The following SPRED1 variants were observed in gnomAD, a reference collection of about 807,000 sequenced individuals.
SPRED1 encodes sprouty related EVH1 domain containing 1, also known as sprouty-related, EVH1 domain-containing protein 1.
SPRED1 carries 18 observed loss-of-function variants against 52.3 expected under a neutral mutation model. The ratio of observed to expected loss-of-function variants is 0.34; its 90% CI spans 0.24 to 0.51. The LOEUF is 0.51. Ranked by LOEUF, SPRED1 falls within the 20% of genes least tolerant of loss-of-function variation. SPRED1 has a pLI of 0.97. For synonymous variants in SPRED1, 155 were observed against 179.7 expected (o/e 0.86, Z 1.10); for missense variants, 485 against 551.0 (o/e 0.88, Z 1.20).
rs886051120 is a variant in SPRED1 at position 38,356,408 on chromosome 15, G to T, written c.*4744G>T. The T allele has an allele frequency of 6.6e-6, 1 of 151,890 alleles. No homozygotes were observed. Among genetic ancestry groups the T allele is most frequent in the Non-Finnish European group, 1.5e-5 (1 of 67,918 alleles). 9.4% of individuals were successfully genotyped at this position (151,890 alleles called of 1,614,324 possible). ...ATTATCATAAGAATTTGTTTTAATG[G>T]TTTTTTTCCCTCCTGGAATTACCTG... On this transcript the variant is annotated 3_prime_UTR_variant, in exon 7 of 7. Transcript: ENST00000299084.
intron 1 of SPRED1, among the ~76,000 whole-genome samples, chr15:38,296,778 T>C (rs1003771941): frequency 1.3e-5 from 2 of 152,198 alleles, no homozygotes; most frequent in East Asian, 1.9e-4. Flanking sequence ...TTGCTGTGGA[T>C]TTAATGTTTT....
intron 2 of SPRED1, among the ~76,000 whole-genome samples, chr15:38,310,154 T>TGTGTGTGTGTGTG (rs1566863248): frequency 2.7e-3 from 17 of 6,204 alleles, no homozygotes; most frequent in Non-Finnish European, 7.4e-3. Flanking sequence ...TGTGTGTGTG[T>TGTGTGTGTGTGTG]TTGGAGACGA....
intron 1 of SPRED1, among the ~76,000 whole-genome samples, chr15:38,271,459 T>A (rs774736217): frequency 2.6e-5 from 4 of 151,040 alleles, no homozygotes; most frequent in Non-Finnish European, 5.9e-5. Context: ...TTAATGTTGA[T>A]ACTTAATGAA....
intron 2 of SPRED1, among the ~76,000 whole-genome samples, chr15:38,300,896 TA>T (rs1895137526): frequency 6.6e-6 from 1 of 152,152 alleles, no homozygotes. Flanking sequence ...TGGTCTGAGC[TA>T]ATGGTAACTG....
chr15:38,270,279 C>G (rs192709326), intron 1 of SPRED1, among the ~76,000 whole-genome samples: 1 of 152,312 alleles, frequency 6.6e-6, no homozygotes, highest in East Asian at 1.9e-4. Flanking sequence ...TCCATTCACT[C>G]TGCTGAAGAA....
chr15:38,337,691 TAA>T (rs931837171), intron 4 of SPRED1, among the ~76,000 whole-genome samples: 11 of 152,140 alleles, frequency 7.2e-5, no homozygotes, highest in African/African-American at 2.7e-4. Flanking sequence ...AGCAAGACAC[TAA>T]GTTTGTTCAT....
chr15:38,343,785 A>G (rs139267628), intron 5 of SPRED1, among the ~76,000 whole-genome samples: 79 of 152,192 alleles, frequency 5.2e-4, no homozygotes, highest in African/African-American at 1.8e-3. Flanking sequence ...GCTGGTACCT[A>G]TTATGTGCTA....
chr15:38,354,485 GAAGT>G lies in SPRED1; in HGVS notation c.*2823_*2826del. 1 of 152,286 alleles carries G rather than the reference GAAGT, an allele frequency of 6.6e-6. No individual in the cohort carries two copies. The allele number at this position is 152,286 out of a possible 1,614,324, so 9.4% of individuals were successfully genotyped here. ...AAAGGGACATCATTTGATTTCTGAA[GAAGT>G]ATGTCGTGTGGAGCTTCAGCACCAC... On this transcript the variant is annotated 3_prime_UTR_variant, in exon 7 of 7. Coordinates refer to ENST00000299084, the MANE Select transcript of SPRED1 (RefSeq NM_152594.3).
rs1345009887 is a variant in SPRED1, at chr15:38,353,970, C to G, written c.*2306C>G. On this transcript the variant is annotated 3_prime_UTR_variant, in exon 7 of 7. Coordinates refer to ENST00000299084, the MANE Select transcript of SPRED1 (RefSeq NM_152594.3). ...ATTTTCAATTTGTTTAACCACTTTG[C>G]TGCTAAGATTTTGCCGTCCCATTCC... 1.3e-5 allele frequency: 2 copies of G among 152,574 alleles called. No individual in the cohort carries two copies. The highest frequency in any genetic ancestry group is 4.8e-5 in the African/African-American group (2 of 41,454). 9.5% of individuals were successfully genotyped at this position (152,574 alleles called of 1,614,324 possible).
intron 2 of SPRED1, among the ~76,000 whole-genome samples, chr15:38,320,477 T>C (rs1202464510): frequency 6.6e-6 from 1 of 151,226 alleles, no homozygotes; most frequent in Non-Finnish European, 1.5e-5. Flanking sequence ...AGTGGTCCAG[T>C]AAAGTTGCTA....
In SPRED1 at chr15:38,322,353, C is replaced by T; in HGVS notation, c.320C>T (p.Ala107Val). 6.2e-7 allele frequency: 1 copy of T among 1,613,842 alleles called. No homozygotes were observed. Among genetic ancestry groups the T allele is most frequent in the Non-Finnish European group, 8.5e-7 (1 of 1,179,878 alleles). ...TTTGGTCTTACGTTTCAAAGTCCTG[C>T]TGATGCTAGGGCTTTTGATAGAGGT... is the stretch of plus-strand genomic sequence containing the variant. ...KKFGLTFQSP[A>V]DARAFDRGIR... Residue 107 changes from alanine (A) to valine (V), a missense_variant, in exon 3 of 7, where the codon GCT becomes GTT. Coordinates refer to ENST00000299084, the MANE Select transcript of SPRED1 (RefSeq NM_152594.3).
intron 1 of SPRED1, among the ~76,000 whole-genome samples, chr15:38,296,958 C>T (rs1895053008): frequency 1.3e-5 from 2 of 152,066 alleles, no homozygotes; most frequent in Non-Finnish European, 2.9e-5. Flanking sequence ...TTTTGGCTGT[C>T]CACCTTCTGC....
intron 4 of SPRED1, among the ~76,000 whole-genome samples, chr15:38,335,038 A>G (rs1895884351): frequency 6.6e-6 from 1 of 151,984 alleles, no homozygotes; most frequent in African/African-American, 2.4e-5. Context: ...ATGGCATTAT[A>G]CTTTCATGTG....
rs888585871 is a variant in SPRED1, at chr15:38,252,904, C to T, written c.-282C>T. The T allele has an allele frequency of 7.3e-6, 4 of 548,766 alleles. No homozygotes were observed. The highest frequency in any genetic ancestry group is 5.8e-5 in the African/African-American group (3 of 52,132). The allele number at this position is 548,766 out of a possible 1,614,324, so 34.0% of individuals were successfully genotyped here. ...GCCTTTGCAGCCCCTCTCTTTTTCC[C>T]TTTCCACCGGGCCTCCTCGGATCCC... is the stretch of plus-strand genomic sequence containing the variant. On this transcript the variant is annotated 5_prime_UTR_variant, in exon 1 of 7. Transcript: ENST00000299084.
chr15:38,336,529 C>T (rs8032816), intron 4 of SPRED1, among the ~76,000 whole-genome samples: 1 of 148,362 alleles, frequency 6.7e-6, no homozygotes, highest in Non-Finnish European at 1.5e-5. Flanking sequence ...AAATACATTT[C>T]CTGAAGTTTT....
intron 1 of SPRED1, among the ~76,000 whole-genome samples, chr15:38,291,471 C>G (rs1214254870): frequency 6.6e-6 from 1 of 152,272 alleles, no homozygotes; most frequent in African/African-American, 2.4e-5. Context: ...TGTCGGGGCT[C>G]TGACCCCACA....
intron 2 of SPRED1, among the ~76,000 whole-genome samples, chr15:38,301,914 A>G (rs539838221): frequency 9.9e-5 from 15 of 151,252 alleles, no homozygotes; most frequent in African/African-American, 3.2e-4. Context: ...CTGAGTCTGT[A>G]AGTCTACAGG....
At chr15:38,260,031 C>A (rs1235637070) in intron 1 of SPRED1, among the ~76,000 whole-genome samples, 1 of 152,170 alleles carries the variant, frequency 6.6e-6, no homozygotes, top group Non-Finnish European at 1.5e-5. Context: ...CCTGAACATT[C>A]ATAATTAAAG....
chr15:38,253,571 A>T (rs1381013978), intron 1 of SPRED1, among the ~76,000 whole-genome samples: 1 of 152,070 alleles, frequency 6.6e-6, no homozygotes, highest in African/African-American at 2.4e-5. Context: ...CCATACCTTC[A>T]GTATCCATCC....
Sources: allele counts gnomAD v4.1 joint callset (sites outside exome capture counted in the v4.1 genomes callset), GRCh38; gene constraint gnomAD v4.1.1; transcripts MANE v1.5; gene names NCBI Gene and HGNC (gene_info 2026-07-23, HGNC 2026-07-21).